Variants in PCDH15 observed in about 807,000 individuals in gnomAD.
PCDH15 encodes the protein protocadherin related 15.
Under a neutral mutation model 178.5 loss-of-function variants are expected in PCDH15, and 129 were observed. The observed-to-expected ratio is 0.72, with a 90% CI of 0.63 to 0.84. The LOEUF is 0.84. Among genes scored for constraint, PCDH15 ranks in the 40% least tolerant of loss-of-function variants. The pLI, the probability that PCDH15 is intolerant of heterozygous loss-of-function variation, is 0.00. For synonymous variants in PCDH15, 800 were observed against 732.0 expected (o/e 1.09, Z -1.50); for missense variants, 2,230 against 2,099.9 (o/e 1.06, Z -1.21).
At chr10:54,310,478 A>G (rs2060836882) in intron 8 of PCDH15, among the ~76,000 whole-genome samples, 1 of 152,018 alleles carries the variant, frequency 6.6e-6, no homozygotes, top group Non-Finnish European at 1.5e-5. Flanking sequence ...TTTGGAACGG[A>G]GGTCATTGAA....
In PCDH15 at chr10:54,865,900, C is replaced by T. The variant is rs185335164; in HGVS notation, c.-29+31550G>A. 3.3e-5 allele frequency among the ~76,000 whole-genome samples: 5 copies of T among 152,236 alleles called. 1 individual carries two copies. The highest frequency in any genetic ancestry group is 1.2e-4 in the African/African-American group (5 of 41,538). On this transcript the variant is annotated intron_variant, in intron 3 of 5. Transcript: ENST00000458638. ...ATTAGGAATAATCTCATGTATACTTCAGTGATCAAGGATAAAGAATTTGGG... is the reference window on the plus strand; with the variant it reads ...ATTAGGAATAATCTCATGTATACTTTAGTGATCAAGGATAAAGAATTTGGG...
At chr10:54,198,538 G>A in intron 10 of PCDH15, among the ~76,000 whole-genome samples, 1 of 40,156 alleles carries the variant, frequency 2.5e-5, no homozygotes, top group South Asian at 1.0e-3. Context: ...GTCTCGCTCT[G>A]TCGCCCAGGC....
At chr10:55,371,880 T>C (rs1845516358) in intron 2 of PCDH15, among the ~76,000 whole-genome samples, 2 of 152,194 alleles carry the variant, frequency 1.3e-5, no homozygotes, top group Non-Finnish European at 2.9e-5. Flanking sequence ...TATGTTTTAA[T>C]ATCTTAAGGA....
At chr10:55,109,342 T>C (rs925723622) in intron 2 of PCDH15, among the ~76,000 whole-genome samples, 2 of 152,226 alleles carry the variant, frequency 1.3e-5, no homozygotes, top group African/African-American at 2.4e-5. Context: ...AATTTCTCAA[T>C]AGGGTACAAC....
intron 8 of PCDH15, among the ~76,000 whole-genome samples, chr10:54,255,865 C>T (rs2056857664): frequency 6.6e-6 from 1 of 152,114 alleles, no homozygotes; most frequent in African/African-American, 2.4e-5. Flanking sequence ...AAAATGCGAC[C>T]TAGAACACCA....
rs141681980 is a variant in PCDH15, at chr10:54,689,635, C to T, written c.-28-25345G>A. 1.7e-3 allele frequency among the ~76,000 whole-genome samples: 253 copies of T among 152,156 alleles called. 3 individuals carry two copies. The highest frequency in any genetic ancestry group is 5.7e-3 in the African/African-American group (236 of 41,526). ...TAACATTCATCAATTTATGAAATAA[C>T]GACATTAAGTAATTGTGTTCATCCC... On this transcript the variant is annotated intron_variant, in intron 1 of 37. Transcript: ENST00000644397.
At chr10:54,179,139 T>C (rs1306829968) in intron 13 of PCDH15, among the ~76,000 whole-genome samples, 1 of 152,116 alleles carries the variant, frequency 6.6e-6, no homozygotes, top group African/African-American at 2.4e-5. Context: ...TGCGGCACTA[T>C]TCACCATAGC....
At chr10:54,082,978 A>C (rs1156425596) in intron 16 of PCDH15, among the ~76,000 whole-genome samples, 1 of 152,136 alleles carries the variant, frequency 6.6e-6, no homozygotes, top group African/African-American at 2.4e-5. Flanking sequence ...GATATACAGG[A>C]TATACAAATA....
At chr10:55,316,624 AT>A (rs1429335801) in intron 1 of PCDH15, among the ~76,000 whole-genome samples, 9 of 152,090 alleles carry the variant, frequency 5.9e-5, no homozygotes, top group Admixed American at 2.6e-4. Context: ...ATGAAGACAG[AT>A]TTTATAAAGA....
chr10:55,203,184 C>T (rs1840302835), intron 1 of PCDH15, among the ~76,000 whole-genome samples: 1 of 151,984 alleles, frequency 6.6e-6, no homozygotes, highest in Non-Finnish European at 1.5e-5. Context: ...AAACAGTGTC[C>T]TTTTTCAAAG....
chr10:55,411,175 T>C (rs1424023617), intron 2 of PCDH15, among the ~76,000 whole-genome samples: 1 of 152,098 alleles, frequency 6.6e-6, no homozygotes, highest in Non-Finnish European at 1.5e-5. Flanking sequence ...GAATCTTTCC[T>C]TTCCTCCTTC....
rs1291042580 is a variant in PCDH15 at position 53,805,683 on chromosome 10, A to G, written c.*896T>C. On this transcript the variant is annotated 3_prime_UTR_variant, in exon 38 of 38. Coordinates refer to ENST00000644397, the MANE Select transcript of PCDH15 (RefSeq NM_001384140.1). ...TGATATGCTGGGTTTACAAACTATT[A>G]AAGTCTAGTGACATTAATGTGAGAC... 1 of 152,088 alleles carries G rather than the reference A, an allele frequency of 6.6e-6. No homozygotes were observed. The highest frequency in any genetic ancestry group is 6.6e-5 in the Admixed American group (1 of 15,234). 9.4% of individuals were successfully genotyped at this position (152,088 alleles called of 1,614,324 possible). A position where few individuals can be genotyped will look rare whatever the true frequency, so the allele number is the denominator to read the frequency against.
At chr10:54,313,364 T>A (rs1443842755) in intron 8 of PCDH15, among the ~76,000 whole-genome samples, 4 of 152,152 alleles carry the variant, frequency 2.6e-5, no homozygotes, top group African/African-American at 9.6e-5. Context: ...ATCCTTGGAC[T>A]AGTTCTACTT....
At chr10:55,441,492 A>C (rs1012116547) in intron 2 of PCDH15, among the ~76,000 whole-genome samples, 1 of 152,214 alleles carries the variant, frequency 6.6e-6, no homozygotes, top group Non-Finnish European at 1.5e-5. Flanking sequence ...TTCTAAGAAA[A>C]TATATTTCAT....
At chr10:55,094,929 CTTT>C (rs60073886) in intron 2 of PCDH15, among the ~76,000 whole-genome samples, 10 of 130,352 alleles carry the variant, frequency 7.7e-5, no homozygotes, top group Admixed American at 1.6e-4. Context: ...TATCCAAATT[CTTT>C]TTTTTTTTTT....
At chr10:54,915,396 G>A (rs1247218004) in intron 2 of PCDH15, among the ~76,000 whole-genome samples, 1 of 152,134 alleles carries the variant, frequency 6.6e-6, no homozygotes, top group Non-Finnish European at 1.5e-5. Flanking sequence ...TTGGAATATA[G>A]GAGTCCATGA....
chr10:55,542,220 G>A (rs943869513), intron 2 of PCDH15, among the ~76,000 whole-genome samples: 2 of 151,034 alleles, frequency 1.3e-5, no homozygotes, highest in African/African-American at 4.8e-5. Context: ...GTCTATATAT[G>A]TGCATGTGTA....
chr10:54,050,694 G>T (rs1315707409), intron 18 of PCDH15, among the ~76,000 whole-genome samples: 2 of 151,918 alleles, frequency 1.3e-5, no homozygotes, highest in Non-Finnish European at 2.9e-5. Flanking sequence ...CTATATTTTT[G>T]ATGTATGTAT....
chr10:55,445,600 TA>T (rs1167217037), intron 2 of PCDH15, among the ~76,000 whole-genome samples: 1 of 152,188 alleles, frequency 6.6e-6, no homozygotes, highest in African/African-American at 2.4e-5. Flanking sequence ...TGGTTTGCTT[TA>T]TATACTAGTA....
Sources: gnomAD v4.1 joint callset for allele counts (sites outside exome capture counted in the v4.1 genomes callset) on GRCh38, gnomAD v4.1.1 for gene constraint, MANE v1.5 for transcripts, NCBI Gene and HGNC (gene_info 2026-07-23, HGNC 2026-07-21) for gene names.